The following MUC20 variants were observed in gnomAD, a reference collection of about 807,000 sequenced individuals.
MUC20 encodes mucin-20.
Under a neutral mutation model 23.8 loss-of-function variants are expected in MUC20, and 14 were observed. The ratio of observed to expected loss-of-function variants is 0.59; its 90% CI spans 0.39 to 0.92. MUC20 has a LOEUF of 0.92. MUC20 is among the 40% of genes least tolerant of loss of function. The pLI is 0.00. For synonymous variants in MUC20, 166 were observed against 279.3 expected, an observed-to-expected ratio of 0.59 and a Z score of 4.04; for missense variants, 375 against 668.8, an observed-to-expected ratio of 0.56 and a Z score of 4.85.
Position 195,733,513 on chromosome 3 carries a change from T to A in MUC20, c.*295T>A. On this transcript the variant is annotated 3_prime_UTR_variant, in exon 4 of 4. Transcript: ENST00000447234. ...AGAGAGACCTGATCACCCATCTGTG[T>A]GCTTCCATCCTGCATTAAAATTCAC... is the stretch of plus-strand genomic sequence containing the variant. 7.4e-7 allele frequency: 1 copy of A among 1,358,678 alleles called. No homozygotes were observed. The highest frequency in any genetic ancestry group is 9.4e-7 in the Non-Finnish European group (1 of 1,059,406). 84.2% of individuals were successfully genotyped at this position (1,358,678 alleles called of 1,614,324 possible).
In MUC20 at chr3:195,726,565, G is replaced by C; in HGVS notation, c.1962G>C (p.Val654=). 6.2e-7 allele frequency: 1 copy of C among 1,612,250 alleles called. No homozygotes were observed. Among genetic ancestry groups the C allele is most frequent in the Non-Finnish European group, 8.5e-7 (1 of 1,178,678 alleles). The part of the protein sequence containing the change: ...TTARTRPTTD[V]SAGENGGFLL... ...CCCGGACGAGGCCGACCACAGACGT[G>C]AGTGCAGGTAAGTGGCTCCTGCTGG... Residue 654 remains valine (V), a synonymous_variant, in exon 2 of 4, where the codon GTG becomes GTC. Coordinates refer to ENST00000447234, the MANE Select transcript of MUC20 (RefSeq NM_001282506.2).
intron 2 of MUC20, 40 bp downstream of exon 2, chr3:195,726,612 G>A (rs761466030): frequency 4.4e-6 from 7 of 1,580,648 alleles, no homozygotes; most frequent in African/African-American, 1.3e-5. Context: ...GATTTGGGAT[G>A]CGGAGTTTCC....
At chr3:195,732,586 C>T (rs946079870) in intron 3 of MUC20, among the ~76,000 whole-genome samples, 4 of 152,230 alleles carry the variant, frequency 2.6e-5, no homozygotes, top group South Asian at 4.1e-4. Flanking sequence ...TCTCGAACTC[C>T]TGACCTCAGG....
chr3:195,732,604 C>T (rs1388560972), intron 3 of MUC20, among the ~76,000 whole-genome samples: 1 of 152,276 alleles, frequency 6.6e-6, no homozygotes, highest in African/African-American at 2.4e-5. Flanking sequence ...AGGTGACCCA[C>T]CTGCCTCTGC....
At position 195,733,250 on chromosome 3, in the gene MUC20, ATGCCAAAAGAGGGTGC is replaced by A; in HGVS notation, c.*37_*52del. Reference sequence around the variant, plus strand: ...TCAGCTGCAGCCAGGCATGTCCCGTATGCCAAAAGAGGGTGCTGCCCCTAGCCTGGGCCCCCACCGA... The same window carrying A: ...TCAGCTGCAGCCAGGCATGTCCCGTATGCCCCTAGCCTGGGCCCCCACCGA... On this transcript the variant is annotated 3_prime_UTR_variant, in exon 4 of 4. Coordinates refer to ENST00000447234, the MANE Select transcript of MUC20 (RefSeq NM_001282506.2). 1 of 1,567,680 alleles carries A rather than the reference ATGCCAAAAGAGGGTGC, an allele frequency of 6.4e-7. No individual in the cohort carries two copies. The highest frequency in any genetic ancestry group is 8.6e-7 in the Non-Finnish European group (1 of 1,157,032).
chr3:195,733,245 C>A lies in MUC20; in HGVS notation c.*27C>A. The A allele has an allele frequency of 1.3e-6, 2 of 1,570,970 alleles. No individual in the cohort carries two copies. The highest frequency in any genetic ancestry group is 1.7e-6 in the Non-Finnish European group (2 of 1,158,916). ...GGACATCAGCTGCAGCCAGGCATGT[C>A]CCGTATGCCAAAAGAGGGTGCTGCC... On this transcript the variant is annotated 3_prime_UTR_variant, in exon 4 of 4. Transcript: ENST00000447234.
chr3:195,722,090 C>T, intron 1 of MUC20: 4 of 252,346 alleles, frequency 1.6e-5, no homozygotes, highest in Non-Finnish European at 2.5e-5. Flanking sequence ...CAGCCTCCCC[C>T]ATCATCAGCG....
Position 195,729,798 on chromosome 3 carries a change from G to A in MUC20, c.2061+59G>A, listed in dbSNP as rs1332517485. 2.0e-6 allele frequency: 3 copies of A among 1,480,904 alleles called. No individual in the cohort carries two copies. The East Asian group carries it at 7.3e-5, about 36-fold the overall frequency. The allele number at this position is 1,480,904 out of a possible 1,614,324, so 91.7% of individuals were successfully genotyped here. A position where few individuals can be genotyped will look rare whatever the true frequency, so the allele number is the denominator to read the frequency against. ...GGAAGGGGCGAGGTTCGCAGGGGCT[G>A]CAGGGAAGACCCGCAGGACACAGAA... On this transcript the variant is annotated intron_variant, in intron 3 of 3. Transcript: ENST00000447234.
Position 195,733,394 on chromosome 3 carries a change from T to A in MUC20, c.*176T>A. On this transcript the variant is annotated 3_prime_UTR_variant, in exon 4 of 4. Coordinates refer to ENST00000447234, the MANE Select transcript of MUC20 (RefSeq NM_001282506.2). Reference sequence around the variant, plus strand: ...CCAGATGTGGCAACAGGACCCTCGCTCACATCCACCGGAGTGTATGTGTGG... The same window carrying A: ...CCAGATGTGGCAACAGGACCCTCGCACACATCCACCGGAGTGTATGTGTGG... 1 of 1,460,174 alleles carries A rather than the reference T, an allele frequency of 6.8e-7. No homozygotes were observed. Among genetic ancestry groups the A allele is most frequent in the South Asian group, 1.4e-5 (1 of 69,650 alleles). The allele number at this position is 1,460,174 out of a possible 1,614,324, so 90.5% of individuals were successfully genotyped here.
In MUC20 at chr3:195,733,445, G is replaced by C; in HGVS notation, c.*227G>C. 2.1e-6 allele frequency: 3 copies of C among 1,425,762 alleles called. No homozygotes were observed. In the South Asian group the frequency reaches 4.6e-5, roughly 22 times the overall value. The allele number at this position is 1,425,762 out of a possible 1,614,324, so 88.3% of individuals were successfully genotyped here. On this transcript the variant is annotated 3_prime_UTR_variant, in exon 4 of 4. Transcript: ENST00000447234. ...GGAGGGGCTTCACCTGTTCCCAGAGGTGTCCTTGGACTCACCTTGGCACAT... is the reference window on the plus strand; with the variant it reads ...GGAGGGGCTTCACCTGTTCCCAGAGCTGTCCTTGGACTCACCTTGGCACAT...
intron 3 of MUC20, among the ~76,000 whole-genome samples, chr3:195,730,421 C>G (rs1713267136): frequency 6.6e-6 from 1 of 152,258 alleles, no homozygotes; most frequent in South Asian, 2.1e-4. Context: ...TCTCAGCTCA[C>G]TGCAAGCTCC....
intron 2 of MUC20, among the ~76,000 whole-genome samples, chr3:195,728,223 G>A (rs139630917): frequency 0.039 from 5,889 of 151,160 alleles, 65 homozygotes; most frequent in African/African-American, 0.14. Context: ...GGGGACCGTC[G>A]CTCAGCATAC....
At chr3:195,729,969 G>A (rs1465454600) in intron 3 of MUC20, 3 of 569,666 alleles carry the variant, frequency 5.3e-6, no homozygotes, top group Non-Finnish European at 9.2e-6. Flanking sequence ...GACTCCTAGA[G>A]CCCCCAGTTT....
chr3:195,727,091 G>C (rs1330511250), intron 2 of MUC20, among the ~76,000 whole-genome samples: 1 of 152,276 alleles, frequency 6.6e-6, no homozygotes, highest in Non-Finnish European at 1.5e-5. Context: ...TTATGCCATA[G>C]ATAGTGACTT....
intron 3 of MUC20, among the ~76,000 whole-genome samples, chr3:195,732,483 C>T (rs572223790): frequency 6.6e-6 from 1 of 152,328 alleles, no homozygotes; most frequent in South Asian, 2.1e-4. Flanking sequence ...CCTCAACCTC[C>T]CTAGTAGCTG....
chr3:195,723,137 G>A (rs1173382604), intron 1 of MUC20, among the ~76,000 whole-genome samples: 2 of 151,634 alleles, frequency 1.3e-5, no homozygotes, highest in East Asian at 3.8e-4. Context: ...GGCTGAGTCA[G>A]GATTTGAACC....
At chr3:195,732,974 A>C (rs944197779) in intron 3 of MUC20, among the ~76,000 whole-genome samples, 176 bp from the exon 4 acceptor site, 7 of 152,224 alleles carry the variant, frequency 4.6e-5, no homozygotes, top group African/African-American at 1.7e-4. Context: ...GGTTGCTGTG[A>C]GGTTTAGATG....
intron 3 of MUC20, among the ~76,000 whole-genome samples, chr3:195,730,552 G>A (rs1177963522): frequency 7.2e-5 from 11 of 151,918 alleles, no homozygotes; most frequent in South Asian, 2.1e-4. Flanking sequence ...GGGTTTCACC[G>A]TGTTAGCCAG....
chr3:195,733,498 G>A lies in MUC20; in HGVS notation c.*280G>A. On this transcript the variant is annotated 3_prime_UTR_variant, in exon 4 of 4. Transcript: ENST00000447234. ...TCTGTGTTTCAGTAAAGAGAGACCT[G>A]ATCACCCATCTGTGTGCTTCCATCC... 7.3e-7 allele frequency: 1 copy of A among 1,378,956 alleles called. No individual in the cohort carries two copies. Among genetic ancestry groups the A allele is most frequent in the Non-Finnish European group, 9.3e-7 (1 of 1,070,244 alleles). The allele number at this position is 1,378,956 out of a possible 1,614,324, so 85.4% of individuals were successfully genotyped here.
Sources: gnomAD v4.1 joint callset for allele counts (sites outside exome capture counted in the v4.1 genomes callset) on GRCh38, gnomAD v4.1.1 for gene constraint, MANE v1.5 for transcripts, NCBI Gene and HGNC (gene_info 2026-07-23, HGNC 2026-07-21) for gene names.